The following ASTN2 variants were observed in gnomAD, a reference collection of about 807,000 sequenced individuals.
The protein encoded by ASTN2 is astrotactin 2.
ASTN2 carries 54 observed loss-of-function variants against 139.8 expected under a neutral mutation model. The observed-to-expected ratio is 0.39, with a 90% CI of 0.31 to 0.48. The LOEUF is 0.48. Ranked by LOEUF, ASTN2 falls within the 20% of genes least tolerant of loss-of-function variation. The pLI is 0.95. For synonymous variants in ASTN2, 756 were observed against 719.5 expected, an observed-to-expected ratio of 1.05 and a Z score of -0.81; for missense variants, 1,565 against 1,725.1, an observed-to-expected ratio of 0.91 and a Z score of 1.64.
At chr9:116,892,779 C>T (rs762550078) in intron 10 of ASTN2, among the ~76,000 whole-genome samples, 3 of 152,112 alleles carry the variant, frequency 2.0e-5, no homozygotes, top group Non-Finnish European at 4.4e-5. Context: ...GTCACCTGCT[C>T]AGTGTCATGG....
At chr9:117,295,096 C>T (rs552955700) in intron 1 of ASTN2, among the ~76,000 whole-genome samples, 3 of 152,198 alleles carry the variant, frequency 2.0e-5, no homozygotes, top group South Asian at 2.1e-4. Flanking sequence ...CCGAGGCAGG[C>T]GGATCACTTG....
At chr9:116,503,668 T>G (rs1180744470) in intron 19 of ASTN2, among the ~76,000 whole-genome samples, 1 of 152,146 alleles carries the variant, frequency 6.6e-6, no homozygotes, top group South Asian at 2.1e-4. Context: ...ATACTATATA[T>G]ACACACATGC....
chr9:117,180,571 T>C (rs1831034565), intron 3 of ASTN2: 2 of 784,696 alleles, frequency 2.5e-6, no homozygotes, highest in South Asian at 3.4e-5. Context: ...ACAGCAATCA[T>C]TTATTGACTG....
intron 19 of ASTN2, among the ~76,000 whole-genome samples, chr9:116,590,860 T>C (rs1854350249): frequency 6.6e-6 from 1 of 152,052 alleles, no homozygotes; most frequent in African/African-American, 2.4e-5. Context: ...CAGTGACCCA[T>C]TGTAGGTCTC....
chr9:116,799,364 T>G (rs938081222), intron 13 of ASTN2, among the ~76,000 whole-genome samples: 1 of 152,188 alleles, frequency 6.6e-6, no homozygotes, highest in Non-Finnish European at 1.5e-5. Context: ...TGTCCTCTTA[T>G]GCTATACAAT....
intron 17 of ASTN2, among the ~76,000 whole-genome samples, chr9:116,650,397 A>C (rs1481997507): frequency 6.6e-6 from 1 of 152,196 alleles, no homozygotes; most frequent in Non-Finnish European, 1.5e-5. Context: ...CGAAGAGAAA[A>C]AAAGAAGCAA....
At chr9:116,853,710 AC>A (rs1832669983) in intron 11 of ASTN2, among the ~76,000 whole-genome samples, 1 of 152,196 alleles carries the variant, frequency 6.6e-6, no homozygotes, top group African/African-American at 2.4e-5. Flanking sequence ...GAAAAGCAGC[AC>A]CTAAAACAGT....
At chr9:117,023,406 C>T (rs1031259756) in intron 6 of ASTN2, among the ~76,000 whole-genome samples, 7 of 152,170 alleles carry the variant, frequency 4.6e-5, no homozygotes, top group African/African-American at 1.4e-4. Context: ...CACAACTTCA[C>T]ATGTTCCTTT....
At chr9:116,768,087 A>C (rs532769601) in intron 13 of ASTN2, among the ~76,000 whole-genome samples, 104 of 152,352 alleles carry the variant, frequency 6.8e-4, no homozygotes, top group Non-Finnish European at 1.2e-3. Context: ...TAGGGAAGTC[A>C]TACAAGTAAA....
intron 13 of ASTN2, among the ~76,000 whole-genome samples, chr9:116,798,234 G>A (rs1830752429): frequency 6.6e-6 from 1 of 152,242 alleles, no homozygotes; most frequent in Non-Finnish European, 1.5e-5. Context: ...TCATGCCACT[G>A]CACGCCAGCC....
intron 2 of ASTN2, among the ~76,000 whole-genome samples, chr9:117,281,512 G>A (rs1212941002): frequency 6.6e-6 from 1 of 152,120 alleles, no homozygotes; most frequent in Non-Finnish European, 1.5e-5. Context: ...GGCTTATTTG[G>A]GGCATATGAG....
intron 10 of ASTN2, among the ~76,000 whole-genome samples, chr9:116,908,651 G>A (rs1249290831): frequency 1.3e-5 from 2 of 152,226 alleles, no homozygotes; most frequent in African/African-American, 4.8e-5. Flanking sequence ...ACTACAGAGA[G>A]AGGTGGGGAA....
chr9:116,694,085 A>AAAGAATTCT (rs1465111385), intron 16 of ASTN2, among the ~76,000 whole-genome samples: 1 of 152,182 alleles, frequency 6.6e-6, no homozygotes, highest in Admixed American at 6.5e-5. Flanking sequence ...GGAATTCTTG[A>AAAGAATTCT]CATCCTCAGA....
chr9:116,598,708 A>G (rs947262743), intron 19 of ASTN2, among the ~76,000 whole-genome samples: 1 of 152,168 alleles, frequency 6.6e-6, no homozygotes, highest in Non-Finnish European at 1.5e-5. Flanking sequence ...TACTTTATTC[A>G]TTCAGTGCTC....
intron 16 of ASTN2, among the ~76,000 whole-genome samples, chr9:116,664,144 T>TA (rs1858726082): frequency 6.6e-6 from 1 of 152,140 alleles, no homozygotes; most frequent in East Asian, 1.9e-4. Flanking sequence ...GGGTACTATA[T>TA]ACCTAAAAAT....
intron 13 of ASTN2, among the ~76,000 whole-genome samples, chr9:116,767,373 G>A (rs1029918982): frequency 2.0e-5 from 3 of 152,202 alleles, no homozygotes; most frequent in Admixed American, 2.0e-4. Flanking sequence ...GATTGTTCAG[G>A]TTTAATTAAG....
chr9:117,312,318 C>A (rs1297592343), intron 1 of ASTN2, among the ~76,000 whole-genome samples: 1 of 152,096 alleles, frequency 6.6e-6, no homozygotes, highest in East Asian at 1.9e-4. Flanking sequence ...CCTCTCCAGT[C>A]CCTTTCAGTT....
intron 16 of ASTN2, among the ~76,000 whole-genome samples, chr9:116,670,139 A>C (rs958466173): frequency 6.6e-6 from 1 of 152,270 alleles, no homozygotes; most frequent in South Asian, 2.1e-4. Flanking sequence ...CATCAATCAA[A>C]AACATCTATT....
rs183970696 is a variant in ASTN2 at position 117,106,818 on chromosome 9, C to T, written c.1169-10667G>A. On this transcript the variant is annotated intron_variant, in intron 4 of 22. Transcript: ENST00000313400. Reference sequence around the variant, plus strand: ...TCTATCTATCTATCTATCTATATACCGATACATTTATTTATGCTAGGAATA... The same window carrying T: ...TCTATCTATCTATCTATCTATATACTGATACATTTATTTATGCTAGGAATA... Among the ~76,000 whole-genome samples the T allele has an allele frequency of 5.9e-5, 9 of 151,854 alleles. No individual in the cohort carries two copies. The South Asian group carries it at 6.2e-4, about 11-fold the overall frequency.
Sources: allele counts gnomAD v4.1 joint callset (sites outside exome capture counted in the v4.1 genomes callset), GRCh38; gene constraint gnomAD v4.1.1; transcripts MANE v1.5; gene names NCBI Gene and HGNC (gene_info 2026-07-23, HGNC 2026-07-21).